The following PSD2 variants were observed in gnomAD, a reference collection of about 807,000 sequenced individuals.
PSD2 encodes the protein PH and SEC7 domain-containing protein 2.
PSD2 carries 38 observed loss-of-function variants against 69.8 expected under a neutral mutation model. That is an observed-to-expected ratio of 0.54 (90% CI 0.42 to 0.71). The LOEUF (loss-of-function observed/expected upper bound fraction) is 0.71, where lower values mean the gene tolerates loss of function less well. PSD2 is among the 30% of genes least tolerant of loss of function. PSD2 has a pLI of 0.00. For missense variants in PSD2, 943 were observed against 1,014.5 expected (o/e 0.93, Z 0.96); for synonymous variants, 412 against 423.0 (o/e 0.97, Z 0.32).
upstream of PSD2, among the ~76,000 whole-genome samples, chr5:139,791,357 G>A (rs1759412812): frequency 6.6e-6 from 1 of 152,140 alleles, no homozygotes; most frequent in Non-Finnish European, 1.5e-5. Flanking sequence ...TTGAGCCTGG[G>A]AAGTCAAGGC....
At chr5:139,771,633 CT>C in the PSD2 span, among the ~76,000 whole-genome samples, 1 of 152,186 alleles carries the variant, frequency 6.6e-6, no homozygotes, top group Admixed American at 6.5e-5. Context: ...CCACCTCGGC[CT>C]CCCAAAGTGC....
At chr5:139,773,793 T>C in the PSD2 span, among the ~76,000 whole-genome samples, 1 of 152,204 alleles carries the variant, frequency 6.6e-6, no homozygotes, top group Non-Finnish European at 1.5e-5. Flanking sequence ...GGTATAAGCA[T>C]ATCTTCGAGT....
At chr5:139,781,287 G>C in the PSD2 span, among the ~76,000 whole-genome samples, 6 of 152,010 alleles carry the variant, frequency 3.9e-5, no homozygotes, top group Non-Finnish European at 8.8e-5. Flanking sequence ...CTGGGATCCA[G>C]CTGTGGCTGT....
At chr5:139,755,185 G>C in the PSD2 span, among the ~76,000 whole-genome samples, 80 of 152,334 alleles carry the variant, frequency 5.3e-4, no homozygotes, top group African/African-American at 1.9e-3. Context: ...GTCCTGGGTA[G>C]GTAGATGGAT....
chr5:139,793,233 C>T (rs1759450958), upstream of PSD2, among the ~76,000 whole-genome samples: 1 of 152,098 alleles, frequency 6.6e-6, no homozygotes, highest in African/African-American at 2.4e-5. Flanking sequence ...CGTGAGCCAC[C>T]ATTCCCAGCC....
intron 5 of PSD2, among the ~76,000 whole-genome samples, chr5:139,820,885 G>C (rs1457594026): frequency 3.3e-5 from 5 of 152,010 alleles, no homozygotes; most frequent in African/African-American, 1.2e-4. Context: ...ACATGGCCAT[G>C]ATATGAGGAG....
chr5:139,748,458 C>T, the PSD2 span, among the ~76,000 whole-genome samples: 1 of 152,210 alleles, frequency 6.6e-6, no homozygotes, highest in East Asian at 1.9e-4. Context: ...AATGCTCGTG[C>T]ATTAGTACAC....
intron 7 of PSD2, among the ~76,000 whole-genome samples, chr5:139,824,401 T>C (rs1332297353): frequency 1.4e-5 from 2 of 147,116 alleles, no homozygotes; most frequent in Non-Finnish European, 3.0e-5. Flanking sequence ...CTTGTTTTTT[T>C]TTTTTTTTTT....
rs886201143 is a variant in PSD2, at chr5:139,809,729, A to G, written c.289A>G (p.Arg97Gly). The G allele has an allele frequency of 1.2e-6, 2 of 1,614,114 alleles. No homozygotes were observed. Among genetic ancestry groups the G allele is most frequent in the African/African-American group, 2.7e-5 (2 of 74,946 alleles). ...LNILEDSAES[R>G]PWRAGVLAEG... The stretch of plus-strand genomic sequence containing the variant: ...CATTCTGGAAGATTCAGCGGAGTCC[A>G]GGCCCTGGAGGGCTGGCGTGCTGGC... Residue 97 changes from arginine to glycine, a missense_variant, in exon 2 of 15, where the codon AGG (arginine) becomes GGG (glycine). Arg to Gly is a moderately radical substitution (Grantham distance 125). Coordinates refer to ENST00000274710, the MANE Select transcript of PSD2 (RefSeq NM_032289.4).
chr5:139,840,313 A>C, intron 14 of PSD2, 143 bp downstream of exon 14: 1 of 893,520 alleles, frequency 1.1e-6, no homozygotes, highest in Non-Finnish European at 1.7e-6. Context: ...GGGTCCCCTG[A>C]CCTTTAGTCC....
At chr5:139,769,221 C>T in the PSD2 span, among the ~76,000 whole-genome samples, 1 of 151,984 alleles carries the variant, frequency 6.6e-6, no homozygotes, top group African/African-American at 2.4e-5. Flanking sequence ...AGAACAGGCA[C>T]AGAGCCTAAG....
At chr5:139,750,018 A>T in the PSD2 span, among the ~76,000 whole-genome samples, 2 of 145,532 alleles carry the variant, frequency 1.4e-5, no homozygotes, top group African/African-American at 5.1e-5. Flanking sequence ...ACAGATCGAG[A>T]CCGTCTTAAA....
chr5:139,822,575 G>C, intron 6 of PSD2, 151 bp from the exon 7 acceptor site: 1 of 582,792 alleles, frequency 1.7e-6, no homozygotes, highest in Non-Finnish European at 2.9e-6. Context: ...GGGCAGACCT[G>C]GAGCGTCACA....
chr5:139,842,981 C>T lies in PSD2; in HGVS notation c.*507C>T, dbSNP rs1206607558. ...AGCCTCCAGAACCATGCCCAGGTCTCCTGCCTCACATCACAATAATCTGGG... is the reference window on the plus strand; with the variant it reads ...AGCCTCCAGAACCATGCCCAGGTCTTCTGCCTCACATCACAATAATCTGGG... On this transcript the variant is annotated 3_prime_UTR_variant, in exon 15 of 15. Coordinates refer to ENST00000274710, the MANE Select transcript of PSD2 (RefSeq NM_032289.4). 6.4e-6 allele frequency: 1 copy of T among 155,900 alleles called. No individual in the cohort carries two copies. Among genetic ancestry groups the T allele is most frequent in the East Asian group, 1.9e-4 (1 of 5,278 alleles). 9.7% of individuals were successfully genotyped at this position (155,900 alleles called of 1,614,324 possible).
At chr5:139,781,084 A>G in the PSD2 span, among the ~76,000 whole-genome samples, 1 of 152,156 alleles carries the variant, frequency 6.6e-6, no homozygotes, top group Non-Finnish European at 1.5e-5. Flanking sequence ...CAGTCTCCAA[A>G]AACACATTGA....
At chr5:139,792,221 A>C (rs1347610783), upstream of PSD2, among the ~76,000 whole-genome samples, 6 of 152,136 alleles carry the variant, frequency 3.9e-5, no homozygotes, top group East Asian at 1.2e-3. Context: ...GTAGGTGCTT[A>C]TTGAGCTCTC....
At chr5:139,792,797 TTCTC>T (rs755537797), upstream of PSD2, among the ~76,000 whole-genome samples, 24 of 149,780 alleles carry the variant, frequency 1.6e-4, no homozygotes, top group African/African-American at 4.4e-4. Context: ...CTCCCTCTCT[TTCTC>T]TCTCTCTTTT....
the PSD2 span, among the ~76,000 whole-genome samples, chr5:139,759,847 C>A: frequency 6.6e-6 from 1 of 152,250 alleles, no homozygotes; most frequent in East Asian, 1.9e-4. Context: ...GCCCCTCAAG[C>A]CTGTCAGCCC....
At chr5:139,780,816 A>C in the PSD2 span, among the ~76,000 whole-genome samples, 1 of 152,126 alleles carries the variant, frequency 6.6e-6, no homozygotes, top group Non-Finnish European at 1.5e-5. Context: ...AGAGTAGCAA[A>C]CTCTCATACA....
Sources: allele counts gnomAD v4.1 joint callset (sites outside exome capture counted in the v4.1 genomes callset), GRCh38; gene constraint gnomAD v4.1.1; transcripts MANE v1.5; gene names NCBI Gene and HGNC (gene_info 2026-07-23, HGNC 2026-07-21).